The following ZFAT variants were observed in gnomAD, a reference collection of about 807,000 sequenced individuals.
ZFAT encodes the protein zinc finger protein ZFAT.
In ZFAT, 64 loss-of-function variants were observed where a neutral mutation model predicts 117.7. The ratio of observed to expected loss-of-function variants is 0.54; its 90% confidence interval spans 0.44 to 0.67. The LOEUF (loss-of-function observed/expected upper bound fraction) is 0.67. Among genes scored for constraint, ZFAT ranks in the 30% least tolerant of loss-of-function variants. The pLI is 0.00. For missense variants in ZFAT, 1,433 were observed against 1,584.5 expected (o/e 0.90, Z 1.62); for synonymous variants, 679 against 615.0 (o/e 1.10, Z -1.54).
the ZFAT span, chr8:134,766,435 T>G: frequency 6.6e-6 from 1 of 152,244 alleles, no homozygotes. Context: ...GTACCTATTG[T>G]CGAGGTTCAA....
chr8:134,540,079 T>C (rs1822139265), intron 11 of ZFAT, among the ~76,000 whole-genome samples: 1 of 152,186 alleles, frequency 6.6e-6, no homozygotes, highest in Non-Finnish European at 1.5e-5. Context: ...CTTTAATCAG[T>C]TCATTAGCAT....
intron 2 of ZFAT, among the ~76,000 whole-genome samples, chr8:134,641,834 G>A (rs1012606848): frequency 6.6e-6 from 1 of 152,164 alleles, no homozygotes; most frequent in Non-Finnish European, 1.5e-5. Context: ...TCCACAGTTT[G>A]GGGACAACTT....
chr8:134,696,473 C>T (rs772541372), intron 1 of ZFAT: 14 of 985,538 alleles, frequency 1.4e-5, no homozygotes, highest in African/African-American at 8.7e-5. Flanking sequence ...GGATGCTGGG[C>T]GCCTCCGCCG....
At chr8:134,760,366 G>C in the ZFAT span, among the ~76,000 whole-genome samples, 4 of 151,986 alleles carry the variant, frequency 2.6e-5, no homozygotes, top group South Asian at 8.3e-4. Context: ...CCATAGGGAA[G>C]AAAGTCAGAA....
chr8:134,608,831 G>A lies in ZFAT; in HGVS notation c.683C>T (p.Ala228Val), dbSNP rs1212884969. ...TGCTGAAGTGGTCTCAGAATTTGTA[G>A]CTCCTGTTTCAGGGGGCCCAGCCTC... ...PVEAGPPETG[A>V]TNSETTSADL... Residue 228 changes from alanine to valine, a missense_variant, in exon 5 of 16, where the codon GCT becomes GTT. By Grantham distance (64) the Ala-to-Val change is moderately conservative. This residue lies in a region of ZFAT where 436 missense variants were observed against 482.0 expected (regional missense o/e 0.90). Coordinates refer to ENST00000377838, the MANE Select transcript of ZFAT (RefSeq NM_020863.4). 1.9e-6 allele frequency: 3 copies of A among 1,610,232 alleles called. No individual in the cohort carries two copies. The highest frequency in any genetic ancestry group is 2.5e-6 in the Non-Finnish European group (3 of 1,178,558).
rs557611620 is a variant in ZFAT at position 134,602,735 on chromosome 8, G to A, written c.984C>T (p.Cys328=). 7.5e-5 allele frequency: 121 copies of A among 1,613,748 alleles called. No individual in the cohort carries two copies. The highest frequency in any genetic ancestry group is 4.2e-4 in the South Asian group (38 of 91,032). The change falls in exon 6 of 16, where the codon TGC becomes TGT. Residue 328 remains cysteine, a synonymous_variant. Transcript: ENST00000377838. ...TCAGGCAGGTGAACGAGCAATAGTC[G>A]CAGGCGAACTTCTCTCCAGTGTGCT... ...LRKHTGEKFA[C]DYCSFTCLSK...
the ZFAT span, chr8:134,793,732 C>CGGCGGG: frequency 6.7e-6 from 1 of 148,322 alleles, no homozygotes; most frequent in African/African-American, 2.5e-5. Flanking sequence ...GTCAAGAGTC[C>CGGCGGG]GGGGGCTGGA....
rs927987703 is a variant in ZFAT, at chr8:134,696,482, C to T, written c.19+16363G>A. The T allele has an allele frequency of 4.1e-6, 4 of 985,540 alleles. No individual in the cohort carries two copies. The East Asian group carries it at 3.4e-4, about 84-fold the overall frequency. 61.0% of individuals were successfully genotyped at this position (985,540 alleles called of 1,614,324 possible). On this transcript the variant is annotated intron_variant, in intron 1 of 15. Transcript: ENST00000377838. ...TAGGAGGGATGCTGGGCGCCTCCGCCGCTTCCCACGGAGCATGCAGAGGTG... is the reference window on the plus strand; with the variant it reads ...TAGGAGGGATGCTGGGCGCCTCCGCTGCTTCCCACGGAGCATGCAGAGGTG...
At chr8:134,763,211 A>G in the ZFAT span, among the ~76,000 whole-genome samples, 1 of 152,364 alleles carries the variant, frequency 6.6e-6, no homozygotes, top group African/African-American at 2.4e-5. Context: ...ATTCTCTTTC[A>G]AAATTCCTAA....
chr8:134,606,806 C>T (rs1827922758), intron 5 of ZFAT, among the ~76,000 whole-genome samples: 1 of 145,046 alleles, frequency 6.9e-6, no homozygotes, highest in South Asian at 2.2e-4. Flanking sequence ...TTATAAAATA[C>T]ACATGCTGAA....
intron 10 of ZFAT, among the ~76,000 whole-genome samples, chr8:134,581,686 G>C (rs935883535): frequency 4.6e-5 from 7 of 152,130 alleles, no homozygotes; most frequent in African/African-American, 1.4e-4. Context: ...CCAGTCTCAA[G>C]CAATCCTCCC....
At chr8:134,669,814 G>A (rs1311063625) in intron 1 of ZFAT, among the ~76,000 whole-genome samples, 1 of 152,142 alleles carries the variant, frequency 6.6e-6, no homozygotes, top group African/African-American at 2.4e-5. Context: ...TGGCAAACTG[G>A]ATAAAGAGTC....
rs1586796440 is a variant in ZFAT at position 134,602,677 on chromosome 8, C to T, written c.1042G>A (p.Val348Met). 6.2e-7 allele frequency: 1 copy of T among 1,614,232 alleles called. No homozygotes were observed. Among genetic ancestry groups the T allele is most frequent in the Non-Finnish European group, 8.5e-7 (1 of 1,180,046 alleles). ...CAGTGCTGCTTGATCTTCTTGTGCA[C>T]TCGCTCGATGTGCACCTTGAGGTGG... Reference protein sequence around the residue: ...KGHLKVHIERVHKKIKQHCRF... With the variant: ...KGHLKVHIERMHKKIKQHCRF... The change falls in exon 6 of 16, where the codon GTG (valine) becomes ATG (methionine). Residue 348 changes from valine to methionine, a missense_variant. Around this residue, in one of 5 missense-constraint regions of ZFAT, gnomAD observed 436 missense variants for 482.0 expected, o/e 0.90. Coordinates refer to ENST00000377838, the MANE Select transcript of ZFAT (RefSeq NM_020863.4).
chr8:134,780,912 T>A, the ZFAT span, among the ~76,000 whole-genome samples: 1 of 152,212 alleles, frequency 6.6e-6, no homozygotes. Context: ...GTAATGCTTT[T>A]TTCCCTTTGC....
At chr8:134,515,503 T>C (rs549454400) in intron 13 of ZFAT, among the ~76,000 whole-genome samples, 1 of 152,374 alleles carries the variant, frequency 6.6e-6, no homozygotes, top group South Asian at 2.1e-4. Flanking sequence ...ATCACCATTC[T>C]AACTGGCGTG....
At chr8:134,600,184 C>T in intron 7 of ZFAT, 1 of 535,732 alleles carries the variant, frequency 1.9e-6, no homozygotes, top group Non-Finnish European at 3.3e-6. Flanking sequence ...CTTCTGTAGA[C>T]TTTATCTGAT....
intron 1 of ZFAT, among the ~76,000 whole-genome samples, chr8:134,690,932 C>T (rs1833554268): frequency 6.6e-6 from 1 of 152,194 alleles, no homozygotes; most frequent in South Asian, 2.1e-4. Flanking sequence ...ACAGACTCTC[C>T]CCACCAGGAA....
the ZFAT span, among the ~76,000 whole-genome samples, chr8:134,819,652 T>C: frequency 3.3e-5 from 5 of 152,096 alleles, no homozygotes; most frequent in African/African-American, 4.8e-5. Flanking sequence ...CCCTTAAATA[T>C]TGGTGCTCTT....
At position 134,556,841 on chromosome 8, in the gene ZFAT, C is replaced by T. The variant is rs111420537; in HGVS notation, c.2976+8492G>A. Among the ~76,000 whole-genome samples, 846 of 151,894 alleles carry T rather than the reference C, an allele frequency of 5.6e-3. 6 individuals are homozygous for T. Among genetic ancestry groups the T allele is most frequent in the African/African-American group, 0.019 (805 of 41,398 alleles). On this transcript the variant is annotated intron_variant, in intron 11 of 15. Transcript: ENST00000377838. ...TGTATCAAATAGAAGCCCAGATCTG[C>T]GGGGAGAAAATGAAGAATACCAGAA...
Sources: allele counts gnomAD v4.1 joint callset (sites outside exome capture counted in the v4.1 genomes callset), GRCh38; gene constraint gnomAD v4.1.1; regional missense constraint gnomAD v4.1.1; transcripts MANE v1.5; gene names NCBI Gene and HGNC (gene_info 2026-07-23, HGNC 2026-07-21).